The following KATNAL2 variants were observed in gnomAD, a reference collection of about 807,000 sequenced individuals.
KATNAL2 encodes katanin p60 ATPase-containing subunit A-like 2.
A neutral mutation model predicts 76.3 loss-of-function variants in KATNAL2; 52 were observed. The observed-to-expected ratio is 0.68, with a 90% confidence interval of 0.55 to 0.86. KATNAL2 has a LOEUF of 0.86. KATNAL2 is among the 40% of genes least tolerant of loss of function. The probability of loss-of-function intolerance (pLI) is 0.00; values close to 1 mark genes in which losing one functional copy is unlikely to be tolerated. For missense variants in KATNAL2, 660 were observed against 668.9 expected (o/e 0.99, Z 0.15); for synonymous variants, 243 against 244.2 (o/e 1.00, Z 0.05).
chr18:46,961,862 T>C (rs1476228461), intron 3 of KATNAL2, among the ~76,000 whole-genome samples: 1 of 152,196 alleles, frequency 6.6e-6, no homozygotes, highest in Non-Finnish European at 1.5e-5. Flanking sequence ...TGATTATTTT[T>C]AGGAGGGCCT....
intron 6 of KATNAL2, among the ~76,000 whole-genome samples, chr18:47,055,534 G>T (rs1258570074): frequency 6.6e-6 from 1 of 152,184 alleles, no homozygotes; most frequent in East Asian, 1.9e-4. Context: ...GCCCACGCAC[G>T]CTCCACGATC....
chr18:47,041,721 G>T (rs1239813470), intron 3 of KATNAL2, among the ~76,000 whole-genome samples: 1 of 152,142 alleles, frequency 6.6e-6, no homozygotes, highest in Admixed American at 6.5e-5. Flanking sequence ...AAATACCAAG[G>T]GTTGCAATTG....
At chr18:46,944,953 G>T (rs548583497) in intron 1 of KATNAL2, among the ~76,000 whole-genome samples, 1 of 151,690 alleles carries the variant, frequency 6.6e-6, no homozygotes, top group East Asian at 1.9e-4. Flanking sequence ...AATAAATAAA[G>T]TATACAGGAT....
At chr18:47,076,093 C>A (rs939102624) in intron 14 of KATNAL2, 35 of 152,268 alleles carry the variant, frequency 2.3e-4, no homozygotes, top group Admixed American at 1.5e-3. Context: ...AAAAACAGAT[C>A]TCTGAGAAAT....
chr18:47,076,736 T>C (rs185335822), intron 14 of KATNAL2: 1 of 150,384 alleles, frequency 6.6e-6, no homozygotes, highest in Non-Finnish European at 1.5e-5. Context: ...TAATTAAACA[T>C]ATAGCAAATA....
intron 1 of KATNAL2, among the ~76,000 whole-genome samples, chr18:46,936,729 A>T (rs940599987): frequency 2.0e-5 from 3 of 152,198 alleles, no homozygotes; most frequent in Non-Finnish European, 4.4e-5. Flanking sequence ...AGGCAGGTGG[A>T]TCACTTGAGA....
chr18:47,048,162 C>T (rs1372825036), intron 4 of KATNAL2, among the ~76,000 whole-genome samples: 1 of 152,164 alleles, frequency 6.6e-6, no homozygotes, highest in Non-Finnish European at 1.5e-5. Flanking sequence ...AAATAATTAT[C>T]TGACTTTGAA....
At position 46,922,728 on chromosome 18, in the gene KATNAL2, C is replaced by T. The variant is rs371741915; in HGVS notation, c.-510+4802C>T. The stretch of plus-strand genomic sequence containing the variant: ...AGGAGAATCGCTTGAACCCAGGAGG[C>T]AGAGGTTGCAGTGAGTGGAGATCAT... On this transcript the variant is annotated intron_variant, in intron 1 of 17. Transcript: ENST00000683218. Among the ~76,000 whole-genome samples, 8 of 151,896 alleles carry T rather than the reference C, an allele frequency of 5.3e-5. No individual in the cohort carries two copies. In the East Asian group the frequency reaches 1.2e-3, roughly 22 times the overall value.
chr18:47,085,954 G>A (rs998927247), intron 15 of KATNAL2, among the ~76,000 whole-genome samples: 20 of 151,968 alleles, frequency 1.3e-4, no homozygotes, highest in East Asian at 1.9e-4. Context: ...TCAGCCAGGC[G>A]TGGTGGTGTG....
intron 3 of KATNAL2, among the ~76,000 whole-genome samples, chr18:46,957,752 G>C (rs1266344920): frequency 6.6e-6 from 1 of 150,824 alleles, no homozygotes; most frequent in Admixed American, 6.6e-5. Context: ...AGTAGAGACA[G>C]GGTTTCTCCA....
At chr18:46,931,103 A>AAATAATAATAATAAT (rs36168863) in intron 1 of KATNAL2, among the ~76,000 whole-genome samples, 57 of 105,544 alleles carry the variant, frequency 5.4e-4, no homozygotes, top group East Asian at 2.0e-3. Flanking sequence ...CCGTCTCAGG[A>AAATAATAATAATAAT]AATAATAATA....
chr18:46,949,182 G>A (rs1377524728), intron 3 of KATNAL2, among the ~76,000 whole-genome samples: 3 of 152,082 alleles, frequency 2.0e-5, no homozygotes, highest in South Asian at 4.1e-4. Flanking sequence ...ATAGGCATGA[G>A]CCACTGTGCC....
intron 3 of KATNAL2, chr18:47,033,607 C>T (rs775599397): frequency 6.2e-7 from 1 of 1,614,162 alleles, no homozygotes; most frequent in South Asian, 1.1e-5. Context: ...TTCAAGAACC[C>T]AGTAGGGGAC....
chr18:47,036,130 G>A (rs913931076), intron 3 of KATNAL2, among the ~76,000 whole-genome samples: 1 of 152,160 alleles, frequency 6.6e-6, no homozygotes, highest in African/African-American at 2.4e-5. Context: ...AGAAAACTGG[G>A]TGCCGTTTGC....
At chr18:47,096,918 G>T (rs903999507) in intron 15 of KATNAL2, among the ~76,000 whole-genome samples, 5 of 152,008 alleles carry the variant, frequency 3.3e-5, no homozygotes, top group African/African-American at 1.2e-4. Context: ...CGGGTGGACT[G>T]CTTGAGCTCA....
At chr18:47,093,243 A>G (rs976446795) in intron 15 of KATNAL2, among the ~76,000 whole-genome samples, 13 of 152,216 alleles carry the variant, frequency 8.5e-5, no homozygotes, top group African/African-American at 3.1e-4. Context: ...AAATGAATTA[A>G]TGTCTGTAAA....
chr18:46,946,642 C>T (rs1271658820), intron 2 of KATNAL2, 96 bp downstream of exon 2: 1 of 836,520 alleles, frequency 1.2e-6, no homozygotes, highest in East Asian at 1.2e-4. Flanking sequence ...CTTCCCTCTT[C>T]GATCTCTTCA....
chr18:47,082,437 A>AT (rs552639731), intron 15 of KATNAL2, among the ~76,000 whole-genome samples: 9 of 152,218 alleles, frequency 5.9e-5, no homozygotes, highest in Non-Finnish European at 8.8e-5. Flanking sequence ...TAAACATCAC[A>AT]TAGAGATAAG....
intron 3 of KATNAL2, chr18:47,032,968 C>T (rs760642613): frequency 8.1e-6 from 13 of 1,613,468 alleles, no homozygotes; most frequent in Middle Eastern, 1.8e-4. Flanking sequence ...ATGCAAAAAT[C>T]CCCCCAGATT....
Sources: gnomAD v4.1 joint callset for allele counts (sites outside exome capture counted in the v4.1 genomes callset) on GRCh38, gnomAD v4.1.1 for gene constraint, MANE v1.5 for transcripts, NCBI Gene and HGNC (gene_info 2026-07-23, HGNC 2026-07-21) for gene names.